The following GPATCH2 variants were observed in gnomAD, a reference collection of about 807,000 sequenced individuals.
GPATCH2 encodes the protein G-patch domain containing 2, also known as G patch domain-containing protein 2.
GPATCH2 carries 51 observed loss-of-function variants against 58.0 expected under a neutral mutation model. The observed-to-expected ratio is 0.88, with a 90% CI of 0.70 to 1.11. The LOEUF is 1.11. Among genes scored for constraint, GPATCH2 ranks in the 50% most tolerant of loss-of-function variants. The pLI, the probability that GPATCH2 is intolerant of heterozygous loss-of-function variation, is 0.00. For synonymous variants in GPATCH2, 222 were observed against 218.5 expected (o/e 1.02, Z -0.14); for missense variants, 625 against 652.2 (o/e 0.96, Z 0.45).
rs1553336411 is a variant in GPATCH2 at position 217,524,847 on chromosome 1, C to CGTGGAAAGGGGAGAGGGGAGA, written c.1099-9959_1099-9958insTCTCCCCTCTCCCCTTTCCAC. ...CTTCGGCTTGGCATCAGAGGGAGAC[C>CGTGGAAAGGGGAGAGGGGAGA]GGGGAGAGGGGAGAGGGGAGAGGGG... On this transcript the variant is annotated intron_variant, in intron 5 of 9. Transcript: ENST00000366935. Among the ~76,000 whole-genome samples, 4 of 18,836 alleles carry CGTGGAAAGGGGAGAGGGGAGA rather than the reference C, an allele frequency of 2.1e-4. 1 individual carries two copies. The highest frequency in any genetic ancestry group is 2.0e-3 in the Admixed American group (2 of 1,024). 12.4% of individuals were successfully genotyped at this position (18,836 alleles called of 152,430 possible). A position where few individuals can be genotyped will look rare whatever the true frequency, so the allele number is the denominator to read the frequency against.
intron 5 of GPATCH2, among the ~76,000 whole-genome samples, chr1:217,524,754 G>A (rs565908781): frequency 1.0e-3 from 151 of 148,880 alleles, no homozygotes; most frequent in Middle Eastern, 3.4e-3. Context: ...GCAGGCACTC[G>A]GCAGGCTTAG....
At chr1:217,472,835 C>T (rs1348958333) in intron 8 of GPATCH2, among the ~76,000 whole-genome samples, 1 of 152,150 alleles carries the variant, frequency 6.6e-6, no homozygotes, top group Non-Finnish European at 1.5e-5. Flanking sequence ...ACCTGTAGTG[C>T]TCAAGGATAA....
intron 9 of GPATCH2, among the ~76,000 whole-genome samples, chr1:217,446,745 T>C (rs973894475): frequency 8.5e-5 from 13 of 152,160 alleles, no homozygotes; most frequent in African/African-American, 2.9e-4. Flanking sequence ...TAAAATCTGG[T>C]ATATGCTGGT....
intron 5 of GPATCH2, chr1:217,609,707 A>G (rs1668534282): frequency 1.0e-6 from 1 of 964,990 alleles, no homozygotes; most frequent in Non-Finnish European, 1.2e-6. Flanking sequence ...TTCTCTAAAA[A>G]TGAACCATAA....
At chr1:217,484,244 CACAAAAAGGATGAGT>C (rs780397727) in intron 8 of GPATCH2, among the ~76,000 whole-genome samples, 1 of 152,010 alleles carries the variant, frequency 6.6e-6, no homozygotes, top group African/African-American at 2.4e-5. Context: ...TTTTTTAGAA[CACAAAAAGGATGAGT>C]ACAAAAAGGA....
At chr1:217,627,352 T>C (rs1048621878) in intron 1 of GPATCH2, among the ~76,000 whole-genome samples, 4 of 151,936 alleles carry the variant, frequency 2.6e-5, no homozygotes, top group African/African-American at 9.7e-5. Flanking sequence ...TGAAGCACTC[T>C]GAATGTCGGG....
At chr1:217,583,570 C>CAAAAAAAAAAAA (rs60392448) in intron 5 of GPATCH2, among the ~76,000 whole-genome samples, 1 of 65,232 alleles carries the variant, frequency 1.5e-5, no homozygotes, top group Admixed American at 1.9e-4. Context: ...GACTCTGTCT[C>CAAAAAAAAAAAA]AAAAAAAAAA....
intron 9 of GPATCH2, among the ~76,000 whole-genome samples, chr1:217,436,877 G>T (rs1011997488): frequency 1.3e-5 from 2 of 152,084 alleles, no homozygotes; most frequent in African/African-American, 2.4e-5. Flanking sequence ...CCTTTCAGCC[G>T]ACTGAACACT....
chr1:217,535,562 A>G (rs569312962), intron 5 of GPATCH2, among the ~76,000 whole-genome samples: 79 of 152,328 alleles, frequency 5.2e-4, no homozygotes, highest in African/African-American at 1.8e-3. Context: ...TGTGTTAGCC[A>G]GGATGGTCTC....
intron 8 of GPATCH2, among the ~76,000 whole-genome samples, chr1:217,476,010 G>T (rs1571768417): frequency 6.6e-6 from 1 of 152,086 alleles, no homozygotes; most frequent in Admixed American, 6.5e-5. Flanking sequence ...GGCTCCAAGA[G>T]AGATGCCACC....
At position 217,427,354 on chromosome 1, in the gene GPATCH2, C is replaced by G. The variant is rs1658376664; in HGVS notation, c.*3791G>C. 6.6e-6 allele frequency: 1 copy of G among 152,098 alleles called. No individual in the cohort carries two copies. The highest frequency in any genetic ancestry group is 1.5e-5 in the Non-Finnish European group (1 of 68,002). The allele number at this position is 152,098 out of a possible 1,614,324, so 9.4% of individuals were successfully genotyped here. A position where few individuals can be genotyped will look rare whatever the true frequency, so the allele number is the denominator to read the frequency against. ...ATCAAATACATTTACCAATATTTTT[C>G]TCTAATTTTTTTGAGATATTGAAAT... On this transcript the variant is annotated 3_prime_UTR_variant, in exon 10 of 10. Coordinates refer to ENST00000366935, the MANE Select transcript of GPATCH2 (RefSeq NM_018040.5).
chr1:217,435,955 CAGTTT>C (rs1316737770), intron 9 of GPATCH2, among the ~76,000 whole-genome samples: 1 of 152,076 alleles, frequency 6.6e-6, no homozygotes, highest in African/African-American at 2.4e-5. Flanking sequence ...TAATTAAAAT[CAGTTT>C]AAATAGTTAA....
At chr1:217,535,436 G>A (rs987389565) in intron 5 of GPATCH2, among the ~76,000 whole-genome samples, 3 of 152,006 alleles carry the variant, frequency 2.0e-5, no homozygotes, top group African/African-American at 7.2e-5. Flanking sequence ...TGCAAGTTCC[G>A]CTTCTCGGGT....
At chr1:217,600,790 T>C (rs1294646361) in intron 5 of GPATCH2, among the ~76,000 whole-genome samples, 1 of 152,094 alleles carries the variant, frequency 6.6e-6, no homozygotes, top group Non-Finnish European at 1.5e-5. Flanking sequence ...AGCCTTAATT[T>C]TGAAAGAAAG....
At chr1:217,468,832 C>T (rs1016665960) in intron 8 of GPATCH2, among the ~76,000 whole-genome samples, 8 of 151,380 alleles carry the variant, frequency 5.3e-5, no homozygotes, top group South Asian at 2.1e-4. Context: ...GTTTGCCACA[C>T]GTTGATAATT....
chr1:217,602,513 A>C (rs1358400926), intron 5 of GPATCH2, among the ~76,000 whole-genome samples: 2 of 152,188 alleles, frequency 1.3e-5, no homozygotes, highest in African/African-American at 4.8e-5. Flanking sequence ...AATACAGAGG[A>C]TATAATCACA....
At chr1:217,461,120 A>G (rs1660180751) in intron 8 of GPATCH2, among the ~76,000 whole-genome samples, 1 of 152,212 alleles carries the variant, frequency 6.6e-6, no homozygotes, top group African/African-American at 2.4e-5. Flanking sequence ...TTATCTCCAT[A>G]TTGAGAAGAT....
chr1:217,492,795 G>A (rs1661812160), intron 7 of GPATCH2: 1 of 152,088 alleles, frequency 6.6e-6, no homozygotes, highest in Non-Finnish European at 1.5e-5. Context: ...CTGGAACATA[G>A]GAAATGCTGA....
intron 8 of GPATCH2, among the ~76,000 whole-genome samples, chr1:217,480,491 C>T (rs969103117): frequency 3.9e-5 from 6 of 151,976 alleles, no homozygotes; most frequent in Admixed American, 3.3e-4. Context: ...GAGGTAATAA[C>T]GAATTCTGGC....
Sources: allele counts gnomAD v4.1 joint callset (sites outside exome capture counted in the v4.1 genomes callset), GRCh38; gene constraint gnomAD v4.1.1; transcripts MANE v1.5; gene names NCBI Gene and HGNC (gene_info 2026-07-23, HGNC 2026-07-21).